LPP: variants seen among roughly 807,000 people sequenced by gnomAD.
LPP encodes LIM domain containing preferred translocation partner in lipoma, also known as lipoma-preferred partner.
Under a neutral mutation model 60.4 loss-of-function variants are expected in LPP, and 38 were observed. The ratio of observed to expected loss-of-function variants is 0.63; its 90% CI spans 0.49 to 0.83. The LOEUF (loss-of-function observed/expected upper bound fraction) is 0.83, where lower values mean the gene tolerates loss of function less well. Among genes scored for constraint, LPP ranks in the 40% least tolerant of loss-of-function variants. The pLI, the probability that LPP is intolerant of heterozygous loss-of-function variation, is 0.00. For missense variants in LPP, 902 were observed against 783.6 expected (o/e 1.15, Z -1.80); for synonymous variants, 328 against 290.8 (o/e 1.13, Z -1.30).
chr3:188,694,878 A>G (rs1171083378), intron 7 of LPP, among the ~76,000 whole-genome samples: 1 of 152,186 alleles, frequency 6.6e-6, no homozygotes, highest in Admixed American at 6.5e-5. Flanking sequence ...TTGATAGTTC[A>G]AGACTTTGTA....
At chr3:188,756,378 C>A (rs1050461242) in intron 8 of LPP, among the ~76,000 whole-genome samples, 1 of 152,212 alleles carries the variant, frequency 6.6e-6, no homozygotes, top group Non-Finnish European at 1.5e-5. Context: ...GCTCTTCACA[C>A]CAGCCCTGGG....
chr3:188,209,441 C>T (rs978298180), intron 1 of LPP, among the ~76,000 whole-genome samples: 1 of 152,182 alleles, frequency 6.6e-6, no homozygotes, highest in Non-Finnish European at 1.5e-5. Context: ...TAGAAAGACA[C>T]AGGTTCAGAA....
chr3:188,890,437 TAA>T lies in LPP; in HGVS notation c.*15959_*15960del, dbSNP rs1771122697. 5.0e-6 allele frequency: 1 copy of T among 198,342 alleles called. No homozygotes were observed. The highest frequency in any genetic ancestry group is 1.0e-5 in the Non-Finnish European group (1 of 96,040). The allele number at this position is 198,342 out of a possible 1,614,324, so 12.3% of individuals were successfully genotyped here. A position where few individuals can be genotyped will look rare whatever the true frequency, so the allele number is the denominator to read the frequency against. On this transcript the variant is annotated 3_prime_UTR_variant, in exon 12 of 12. Coordinates refer to ENST00000617246, the MANE Select transcript of LPP (RefSeq NM_001375462.1). ...TAGCACACATAGTTCAGTATGAAAA[TAA>T]GAGAATAAAATCTGTTATAAGCAAG... is the stretch of plus-strand genomic sequence containing the variant.
chr3:188,542,715 T>TTTTTTG (rs113890955), intron 6 of LPP, among the ~76,000 whole-genome samples: 78,290 of 151,106 alleles, frequency 0.52, 20,787 homozygotes, highest in East Asian at 0.92. Flanking sequence ...AAATGCATTA[T>TTTTTTG]TTTTTGTTTT....
At chr3:188,482,443 A>C (rs73052756) in intron 4 of LPP, among the ~76,000 whole-genome samples, 2 of 152,148 alleles carry the variant, frequency 1.3e-5, no homozygotes, top group Non-Finnish European at 2.9e-5. Flanking sequence ...ACTTCTTGAC[A>C]GTTCTTTTTA....
intron 2 of LPP, among the ~76,000 whole-genome samples, chr3:188,231,806 T>C (rs1157103208): frequency 6.6e-6 from 1 of 152,170 alleles, no homozygotes; most frequent in African/African-American, 2.4e-5. Context: ...TTAGGAAAAA[T>C]AGGTCAAAAA....
At chr3:188,516,547 G>A (rs1817415705) in intron 5 of LPP, among the ~76,000 whole-genome samples, 1 of 151,744 alleles carries the variant, frequency 6.6e-6, no homozygotes, top group Admixed American at 6.6e-5. Flanking sequence ...AATATAGGTT[G>A]TTTTTAAGGG....
chr3:188,674,640 G>A (rs1300592077), intron 7 of LPP, among the ~76,000 whole-genome samples: 1 of 152,144 alleles, frequency 6.6e-6, no homozygotes, highest in East Asian at 1.9e-4. Context: ...ATTGGGCTGG[G>A]TTTCTTCTTT....
chr3:188,586,934 T>C (rs4349490), intron 6 of LPP, among the ~76,000 whole-genome samples: 11,175 of 151,964 alleles, frequency 0.074, 879 homozygotes, highest in East Asian at 0.35. Context: ...TTCCACCATA[T>C]TGGCCAGGCT....
intron 2 of LPP, among the ~76,000 whole-genome samples, chr3:188,269,907 C>G (rs1737109376): frequency 6.6e-6 from 1 of 152,162 alleles, no homozygotes; most frequent in Non-Finnish European, 1.5e-5. Flanking sequence ...CTTGGCCTCC[C>G]AAAGTGCTGG....
At chr3:188,563,718 G>GT (rs1291407909) in intron 6 of LPP, among the ~76,000 whole-genome samples, 140 of 93,946 alleles carry the variant, frequency 1.5e-3, no homozygotes, top group African/African-American at 4.3e-3. Context: ...AATTGCTTGT[G>GT]TTTTTTTTTG....
chr3:188,543,077 C>T (rs150071031), intron 6 of LPP, among the ~76,000 whole-genome samples: 1,722 of 152,312 alleles, frequency 0.011, 13 homozygotes, highest in Non-Finnish European at 0.018. Context: ...TCTGACATGT[C>T]TTTCCTTTAG....
intron 8 of LPP, chr3:188,758,602 C>T (rs1259208765): frequency 6.6e-6 from 1 of 152,192 alleles, no homozygotes; most frequent in African/African-American, 2.4e-5. Context: ...AATAAATTTA[C>T]CTTTTTTTCT....
intron 8 of LPP, among the ~76,000 whole-genome samples, chr3:188,741,332 A>G (rs960593680): frequency 2.0e-5 from 3 of 151,950 alleles, no homozygotes; most frequent in African/African-American, 7.2e-5. Flanking sequence ...CTTGGTTGCT[A>G]TGGTTTTAGA....
At chr3:188,665,756 C>T (rs1292541103) in intron 7 of LPP, among the ~76,000 whole-genome samples, 2 of 152,290 alleles carry the variant, frequency 1.3e-5, no homozygotes, top group South Asian at 2.1e-4. Flanking sequence ...CCACCTCGCC[C>T]GGCCAGCTAA....
intron 7 of LPP, among the ~76,000 whole-genome samples, chr3:188,697,138 G>A (rs746805091): frequency 6.6e-6 from 1 of 152,116 alleles, no homozygotes; most frequent in African/African-American, 2.4e-5. Context: ...CAGTGTGATC[G>A]GTGTGTCTGT....
chr3:188,423,924 T>C lies in LPP; in HGVS notation c.193+17611T>C, dbSNP rs535219701. 6.6e-3 allele frequency among the ~76,000 whole-genome samples: 1,003 copies of C among 152,176 alleles called. 15 individuals carry two copies. The highest frequency in any genetic ancestry group is 0.023 in the African/African-American group (965 of 41,540). On this transcript the variant is annotated intron_variant, in intron 4 of 11. Transcript: ENST00000617246. ...TAGGTTTCCTGTTCACTCTGATAGA[T>C]AGTTTTTTTTGCTGTGCAGAAGCTC...
intron 2 of LPP, among the ~76,000 whole-genome samples, chr3:188,277,397 A>C (rs978685266): frequency 1.3e-5 from 2 of 152,110 alleles, no homozygotes; most frequent in African/African-American, 4.8e-5. Flanking sequence ...TCTCTCAGGA[A>C]ATATTCCTTG....
intron 6 of LPP, among the ~76,000 whole-genome samples, chr3:188,570,850 A>G (rs1022635452): frequency 4.6e-5 from 7 of 152,026 alleles, no homozygotes; most frequent in Non-Finnish European, 8.8e-5. Flanking sequence ...ATTACCCTTC[A>G]AAGAAACTGA....
Sources: gnomAD v4.1 joint callset for allele counts (sites outside exome capture counted in the v4.1 genomes callset) on GRCh38, gnomAD v4.1.1 for gene constraint, MANE v1.5 for transcripts, NCBI Gene and HGNC (gene_info 2026-07-23, HGNC 2026-07-21) for gene names.